SLC35G2: variants seen among roughly 807,000 people sequenced by gnomAD.
SLC35G2 encodes the protein solute carrier family 35 member G2.
Under a neutral mutation model 27.2 loss-of-function variants are expected in SLC35G2, and 20 were observed. That is an observed-to-expected ratio of 0.74 (90% CI 0.52 to 1.07). The LOEUF (loss-of-function observed/expected upper bound fraction) is 1.07. Ranked by LOEUF, SLC35G2 falls within the 50% of genes least tolerant of loss-of-function variation. The pLI, the probability that SLC35G2 is intolerant of heterozygous loss-of-function variation, is 0.00. For synonymous variants in SLC35G2, 148 were observed against 165.3 expected (o/e 0.90, Z 0.80); for missense variants, 416 against 493.3 (o/e 0.84, Z 1.48).
intron 1 of SLC35G2, among the ~76,000 whole-genome samples, chr3:136,840,923 CTTTTTTTTT>C (rs71626030): frequency 8.2e-6 from 1 of 121,536 alleles, no homozygotes; most frequent in East Asian, 2.3e-4. Flanking sequence ...GTGCCTGGCC[CTTTTTTTTT>C]TTTTTTTTTT....
intron 1 of SLC35G2, chr3:136,843,296 C>T (rs1937184676): frequency 8.7e-6 from 1 of 114,412 alleles, no homozygotes; most frequent in East Asian, 3.0e-4. Context: ...GCACTCCAGG[C>T]TGGGTGACAG....
intron 1 of SLC35G2, chr3:136,843,471 C>A (rs1200544086): frequency 6.6e-6 from 1 of 152,064 alleles, no homozygotes; most frequent in Non-Finnish European, 1.5e-5. Flanking sequence ...TGGCAAAACC[C>A]TGTCTCTACT....
intron 1 of SLC35G2, among the ~76,000 whole-genome samples, chr3:136,827,064 T>C (rs1445550585): frequency 6.6e-6 from 1 of 151,628 alleles, no homozygotes; most frequent in Non-Finnish European, 1.5e-5. Flanking sequence ...GGAGGGAAGG[T>C]CCTCTCTTTT....
intron 1 of SLC35G2, among the ~76,000 whole-genome samples, chr3:136,851,529 A>C (rs1303627619): frequency 4.0e-5 from 6 of 149,170 alleles, no homozygotes; most frequent in Admixed American, 2.0e-4. Flanking sequence ...AAAGATGAAC[A>C]GTGTTTACAA....
At chr3:136,845,311 C>T (rs1422004020) in intron 1 of SLC35G2, among the ~76,000 whole-genome samples, 1 of 152,036 alleles carries the variant, frequency 6.6e-6, no homozygotes, top group Non-Finnish European at 1.5e-5. Context: ...TAAATAAGCT[C>T]TTGGGTGAGA....
intron 1 of SLC35G2, among the ~76,000 whole-genome samples, chr3:136,828,634 GGT>G (rs1936648461): frequency 6.6e-6 from 1 of 152,102 alleles, no homozygotes; most frequent in African/African-American, 2.4e-5. Flanking sequence ...TCTCTTTATA[GGT>G]GAAGTGTGTT....
rs902073929 is a variant in SLC35G2 at position 136,836,289 on chromosome 3, T to TA, written c.-19+16668dup. Among the ~76,000 whole-genome samples, 56 of 152,260 alleles carry TA rather than the reference T, an allele frequency of 3.7e-4. 1 individual carries two copies. The highest frequency in any genetic ancestry group is 1.1e-3 in the African/African-American group (46 of 41,538). ...TATTTGTAACTTCCTTCTCTCTTGG[T>TA]AAAAAAATCTGGCTTCCATTATCCT... is the stretch of plus-strand genomic sequence containing the variant. On this transcript the variant is annotated intron_variant, in intron 1 of 1. Coordinates refer to ENST00000446465, the MANE Select transcript of SLC35G2 (RefSeq NM_025246.3).
Position 136,854,495 on chromosome 3 carries a change from A to C in SLC35G2, c.35A>C (p.Lys12Thr), listed in dbSNP as rs983779938. Residue 12 changes from lysine to threonine, a missense_variant, in exon 2 of 2, where the codon AAA becomes ACA. Coordinates refer to ENST00000446465, the MANE Select transcript of SLC35G2 (RefSeq NM_025246.3). ...TCTCCCTCCAGAAAATATCCAGTTA[A>C]AAAACGGGTGAAAATACATCCCAAC... ...DTSPSRKYPV[K>T]KRVKIHPNTV... 23 of 1,585,142 alleles carry C rather than the reference A, an allele frequency of 1.5e-5. No individual in the cohort carries two copies. The highest frequency in any genetic ancestry group is 1.9e-5 in the Non-Finnish European group (22 of 1,165,952).
chr3:136,820,065 A>T (rs1453693470), intron 1 of SLC35G2: 1 of 152,262 alleles, frequency 6.6e-6, no homozygotes, highest in East Asian at 1.9e-4. Context: ...GTTGCGGCGG[A>T]TGAAGGCTCA....
chr3:136,836,295 A>C (rs1028290344), intron 1 of SLC35G2, among the ~76,000 whole-genome samples: 15 of 152,128 alleles, frequency 9.9e-5, no homozygotes, highest in African/African-American at 3.6e-4. Context: ...TTGGTAAAAA[A>C]ATCTGGCTTC....
rs12638534 is a variant in SLC35G2 at position 136,849,633 on chromosome 3, A to G, written c.-18-4810A>G. Among the ~76,000 whole-genome samples the G allele has an allele frequency of 2.0e-5, 3 of 151,898 alleles. No individual in the cohort carries two copies. The East Asian group carries it at 5.8e-4, about 30-fold the overall frequency. On this transcript the variant is annotated intron_variant, in intron 1 of 1. Coordinates refer to ENST00000446465, the MANE Select transcript of SLC35G2 (RefSeq NM_025246.3). ...TAGCCTCCCAAGTAGCTGGGACTAC[A>G]GGCATGTGCCACCACTCCCAACTAA...
intron 1 of SLC35G2, chr3:136,842,202 C>T (rs1010326985): frequency 3.9e-5 from 6 of 152,138 alleles, no homozygotes; most frequent in Non-Finnish European, 7.4e-5. Flanking sequence ...TTTTTTATCT[C>T]TTATATTTCA....
intron 1 of SLC35G2, among the ~76,000 whole-genome samples, chr3:136,853,237 A>G (rs1453577395): frequency 6.6e-6 from 1 of 152,120 alleles, no homozygotes; most frequent in East Asian, 1.9e-4. Flanking sequence ...CTGGAATTAC[A>G]GACACATACC....
At chr3:136,843,658 C>T (rs1434806838) in intron 1 of SLC35G2, among the ~76,000 whole-genome samples, 5 of 147,424 alleles carry the variant, frequency 3.4e-5, no homozygotes, top group Admixed American at 6.8e-5. Flanking sequence ...AAAGGCTGGG[C>T]GCAGTGGCTC....
At chr3:136,830,408 G>A (rs1425591192) in intron 1 of SLC35G2, among the ~76,000 whole-genome samples, 1 of 151,958 alleles carries the variant, frequency 6.6e-6, no homozygotes, top group African/African-American at 2.4e-5. Context: ...TCAGCCTCCC[G>A]AATAGCTGGG....
intron 1 of SLC35G2, among the ~76,000 whole-genome samples, chr3:136,852,146 T>C (rs1937667293): frequency 6.6e-6 from 1 of 152,150 alleles, no homozygotes; most frequent in Non-Finnish European, 1.5e-5. Flanking sequence ...AGTTTGGGAT[T>C]GTTGAAGCTA....
At chr3:136,846,757 A>G (rs1156838877) in intron 1 of SLC35G2, among the ~76,000 whole-genome samples, 1 of 152,262 alleles carries the variant, frequency 6.6e-6, no homozygotes, top group East Asian at 1.9e-4. Flanking sequence ...CGGTTATGTC[A>G]AAAGATCCCC....
intron 1 of SLC35G2, among the ~76,000 whole-genome samples, chr3:136,845,105 A>G (rs1937313268): frequency 6.8e-6 from 1 of 147,714 alleles, no homozygotes; most frequent in African/African-American, 2.4e-5. Flanking sequence ...AAGTTATAAA[A>G]TAGGATATAA....
intron 1 of SLC35G2, among the ~76,000 whole-genome samples, chr3:136,827,863 C>G (rs1172487141): frequency 1.3e-5 from 2 of 150,172 alleles, no homozygotes; most frequent in African/African-American, 4.9e-5. Context: ...GAGACAGGGT[C>G]TTGCTCTGTC....
Sources: gnomAD v4.1 joint callset for allele counts (sites outside exome capture counted in the v4.1 genomes callset) on GRCh38, gnomAD v4.1.1 for gene constraint, MANE v1.5 for transcripts, NCBI Gene and HGNC (gene_info 2026-07-23, HGNC 2026-07-21) for gene names.